The following RAD51B variants were observed in gnomAD, a reference collection of about 807,000 sequenced individuals.
RAD51B encodes the protein DNA repair protein RAD51 homolog 2.
RAD51B carries 38 observed loss-of-function variants against 42.2 expected under a neutral mutation model. The observed-to-expected ratio is 0.90, with a 90% CI of 0.70 to 1.18. The LOEUF is 1.18. Among genes scored for constraint, RAD51B ranks in the 50% most tolerant of loss-of-function variants. The pLI is 0.00. For missense variants in RAD51B, 373 were observed against 400.7 expected (o/e 0.93, Z 0.59); for synonymous variants, 154 against 145.2 (o/e 1.06, Z -0.43).
At chr14:68,087,942 T>TATATAATTATATAATA in intron 7 of RAD51B, among the ~76,000 whole-genome samples, 1 of 76,584 alleles carries the variant, frequency 1.3e-5, no homozygotes, top group African/African-American at 9.5e-5. Context: ...ATATAATTTA[T>TATATAATTATATAATA]TATTATATAT....
At chr14:67,905,643 T>C (rs1000839680) in intron 7 of RAD51B, among the ~76,000 whole-genome samples, 1 of 152,154 alleles carries the variant, frequency 6.6e-6, no homozygotes, top group Non-Finnish European at 1.5e-5. Context: ...TGGTTAGCTG[T>C]GTTCCTAGGT....
intron 8 of RAD51B, among the ~76,000 whole-genome samples, chr14:68,318,806 G>C: frequency 6.6e-6 from 1 of 152,150 alleles, no homozygotes; most frequent in East Asian, 1.9e-4. Flanking sequence ...TGTTTCATCT[G>C]GGGGAAGATA....
chr14:67,971,269 A>C (rs1317455696), intron 7 of RAD51B, among the ~76,000 whole-genome samples: 2 of 152,164 alleles, frequency 1.3e-5, no homozygotes, highest in Admixed American at 6.5e-5. Flanking sequence ...GTGTTTGGTT[A>C]GTTCTAAATT....
intron 10 of RAD51B, among the ~76,000 whole-genome samples, chr14:68,610,139 T>A (rs4902614): frequency 0.99 from 150,998 of 152,190 alleles, 74,954 homozygotes; most frequent in Middle Eastern, 1. Flanking sequence ...TGAACTGATC[T>A]TCTCCTCCCC....
intron 10 of RAD51B, among the ~76,000 whole-genome samples, chr14:68,486,230 A>G (rs1007353490): frequency 6.6e-6 from 1 of 152,178 alleles, no homozygotes; most frequent in Non-Finnish European, 1.5e-5. Flanking sequence ...ACTTTTATCT[A>G]GTGACTAGAA....
chr14:68,420,403 C>A (rs1174343538), intron 9 of RAD51B, among the ~76,000 whole-genome samples: 3 of 152,020 alleles, frequency 2.0e-5, no homozygotes, highest in Non-Finnish European at 4.4e-5. Context: ...AGCACAGCAA[C>A]CCGAAGAGCT....
At chr14:67,884,752 T>A (rs1237727851) in intron 5 of RAD51B, among the ~76,000 whole-genome samples, 1 of 152,178 alleles carries the variant, frequency 6.6e-6, no homozygotes, top group African/African-American at 2.4e-5. Flanking sequence ...CATGAAGTAT[T>A]TTTTCCTCTT....
At chr14:68,013,258 A>C (rs1198492032) in intron 7 of RAD51B, among the ~76,000 whole-genome samples, 1 of 152,224 alleles carries the variant, frequency 6.6e-6, no homozygotes, top group Non-Finnish European at 1.5e-5. Flanking sequence ...TCCTCAGAGC[A>C]AACATTTCAA....
intron 10 of RAD51B, among the ~76,000 whole-genome samples, chr14:68,603,958 C>T (rs556343046): frequency 1.2e-3 from 180 of 152,380 alleles, no homozygotes; most frequent in Non-Finnish European, 2.0e-3. Flanking sequence ...GAAGCGTTCA[C>T]TCTAGCCCAA....
At chr14:67,846,968 C>G (rs915037516) in intron 4 of RAD51B, among the ~76,000 whole-genome samples, 1 of 152,172 alleles carries the variant, frequency 6.6e-6, no homozygotes, top group Non-Finnish European at 1.5e-5. Context: ...ACCCTGGGGT[C>G]GTGGGGTCTC....
intron 7 of RAD51B, among the ~76,000 whole-genome samples, chr14:67,898,864 G>C (rs919250689): frequency 6.6e-6 from 1 of 152,124 alleles, no homozygotes; most frequent in South Asian, 2.1e-4. Flanking sequence ...AAACATAACA[G>C]CTGTGGTTTA....
chr14:68,138,608 A>G (rs1393933188), intron 7 of RAD51B, among the ~76,000 whole-genome samples: 1 of 152,184 alleles, frequency 6.6e-6, no homozygotes, highest in Non-Finnish European at 1.5e-5. Flanking sequence ...TTTATTTATG[A>G]AAATGATTTG....
intron 7 of RAD51B, among the ~76,000 whole-genome samples, chr14:68,184,092 CAAAAA>C (rs148664784): frequency 5.3e-5 from 6 of 113,282 alleles, no homozygotes; most frequent in Admixed American, 1.8e-4. Context: ...GACTCCATCT[CAAAAA>C]AAAAAAAAAA....
intron 7 of RAD51B, among the ~76,000 whole-genome samples, chr14:67,972,569 A>G (rs1323849254): frequency 1.3e-5 from 2 of 152,158 alleles, no homozygotes; most frequent in Admixed American, 1.3e-4. Flanking sequence ...AAAAGTGACT[A>G]TTTAATACTG....
chr14:68,048,688 C>T (rs1168024081), intron 7 of RAD51B, among the ~76,000 whole-genome samples: 1 of 152,150 alleles, frequency 6.6e-6, no homozygotes, highest in Non-Finnish European at 1.5e-5. Flanking sequence ...GAATGGCAAT[C>T]ATTAAAAAGT....
chr14:68,115,095 C>T (rs61987535), intron 7 of RAD51B, among the ~76,000 whole-genome samples: 2 of 139,614 alleles, frequency 1.4e-5, no homozygotes, highest in Non-Finnish European at 3.0e-5. Context: ...CACATGCACA[C>T]GTATGTTTAT....
intron 8 of RAD51B, among the ~76,000 whole-genome samples, chr14:68,379,663 G>A: frequency 6.6e-6 from 1 of 152,240 alleles, no homozygotes. Flanking sequence ...TTGGTGGGAA[G>A]ACAATTTCTG....
rs994498972 is a variant in RAD51B at position 68,371,579 on chromosome 14, G to A, written c.854-39845G>A. Among the ~76,000 whole-genome samples, 5 of 152,192 alleles carry A rather than the reference G, an allele frequency of 3.3e-5. No homozygotes were observed. The East Asian group carries it at 7.7e-4, about 23-fold the overall frequency. ...ATTTGAGATATGTAAGTGACCGGGC[G>A]TGGTGGCTTCCAGCACTTTGGGAGG... On this transcript the variant is annotated intron_variant, in intron 8 of 10. Coordinates refer to ENST00000471583, the MANE Select transcript of RAD51B (RefSeq NM_133510.4).
chr14:68,231,948 C>T (rs1235582492), intron 7 of RAD51B, among the ~76,000 whole-genome samples: 1 of 151,962 alleles, frequency 6.6e-6, no homozygotes, highest in Non-Finnish European at 1.5e-5. Flanking sequence ...AAAGCAGACT[C>T]AGGAAAGAAA....
Sources: gnomAD v4.1 joint callset for allele counts (sites outside exome capture counted in the v4.1 genomes callset) on GRCh38, gnomAD v4.1.1 for gene constraint, MANE v1.5 for transcripts, NCBI Gene and HGNC (gene_info 2026-07-23, HGNC 2026-07-21) for gene names.